EXT1: variants seen among roughly 807,000 people sequenced by gnomAD.
EXT1 encodes the protein exostosin glycosyltransferase 1, also known as exostosin-1.
EXT1 carries 20 observed loss-of-function variants against 82.5 expected under a neutral mutation model. The ratio of observed to expected loss-of-function variants is 0.24; its 90% CI spans 0.17 to 0.35. EXT1 has a LOEUF of 0.35. Ranked by LOEUF, EXT1 falls within the 10% of genes least tolerant of loss-of-function variation. EXT1 has a pLI of 1.00. For missense variants in EXT1, 757 were observed against 936.5 expected, an observed-to-expected ratio of 0.81 and a Z score of 2.50; for synonymous variants, 348 against 350.8, an observed-to-expected ratio of 0.99 and a Z score of 0.09.
chr8:117,857,993 C>A (rs1423350591), intron 1 of EXT1, among the ~76,000 whole-genome samples: 1 of 152,170 alleles, frequency 6.6e-6, no homozygotes, highest in Non-Finnish European at 1.5e-5. Flanking sequence ...TATGGTAGAA[C>A]TAGCAAGAGA....
At chr8:117,973,114 A>G (rs1814974700) in intron 1 of EXT1, among the ~76,000 whole-genome samples, 1 of 152,232 alleles carries the variant, frequency 6.6e-6, no homozygotes, top group South Asian at 2.1e-4. Flanking sequence ...AAAATATTTG[A>G]TTCTGTGAGA....
At chr8:117,923,219 G>A (rs1194695319) in intron 1 of EXT1, among the ~76,000 whole-genome samples, 1 of 152,084 alleles carries the variant, frequency 6.6e-6, no homozygotes, top group East Asian at 1.9e-4. Flanking sequence ...CCAGGTAGCT[G>A]GCTGAGGCAG....
intron 1 of EXT1, among the ~76,000 whole-genome samples, chr8:117,884,593 T>A (rs1235587204): frequency 6.6e-6 from 1 of 152,212 alleles, no homozygotes; most frequent in African/African-American, 2.4e-5. Context: ...ATCATTAGTG[T>A]GCAACAGTCT....
chr8:118,064,794 AAC>A (rs1315441673), intron 1 of EXT1, among the ~76,000 whole-genome samples: 1 of 151,904 alleles, frequency 6.6e-6, no homozygotes, highest in East Asian at 1.9e-4. Context: ...CACTCCCACC[AAC>A]AGTGTAAAAG....
At chr8:117,816,526 C>A (rs1475075576) in intron 7 of EXT1, among the ~76,000 whole-genome samples, 1 of 152,138 alleles carries the variant, frequency 6.6e-6, no homozygotes, top group Non-Finnish European at 1.5e-5. Context: ...AGGAAGAACC[C>A]AGCCCACTGG....
chr8:117,896,286 T>C (rs1813334270), intron 1 of EXT1, among the ~76,000 whole-genome samples: 1 of 152,272 alleles, frequency 6.6e-6, no homozygotes. Context: ...CAAATCATCA[T>C]CTTTTGTATT....
At chr8:117,999,024 T>C (rs1444597599) in intron 1 of EXT1, among the ~76,000 whole-genome samples, 1 of 152,214 alleles carries the variant, frequency 6.6e-6, no homozygotes, top group Non-Finnish European at 1.5e-5. Context: ...TAATTTACTT[T>C]CCTTCTTCCT....
At chr8:118,103,271 C>T (rs879741565) in intron 1 of EXT1, among the ~76,000 whole-genome samples, 14 of 152,172 alleles carry the variant, frequency 9.2e-5, no homozygotes, top group Non-Finnish European at 1.9e-4. Flanking sequence ...CTCAGTCTCC[C>T]AAGTAGCTGG....
chr8:117,856,746 G>C lies in EXT1; in HGVS notation c.963-19545C>G, dbSNP rs964609457. On this transcript the variant is annotated intron_variant, in intron 1 of 10. Transcript: ENST00000378204. ...GCAGCAAGTTATCCATAAGATCATT[G>C]ATGAGGTGGCTTTACAAAACAACAG... 3.3e-5 allele frequency among the ~76,000 whole-genome samples: 5 copies of C among 152,268 alleles called. No individual in the cohort carries two copies. The South Asian group carries it at 1.0e-3, about 32-fold the overall frequency.
intron 1 of EXT1, among the ~76,000 whole-genome samples, chr8:118,060,924 T>C (rs1816871552): frequency 6.6e-6 from 1 of 152,256 alleles, no homozygotes; most frequent in South Asian, 2.1e-4. Context: ...ACTTTCCCTT[T>C]CTTTACATCA....
intron 1 of EXT1, among the ~76,000 whole-genome samples, chr8:118,087,109 AG>A (rs1817435488): frequency 6.6e-6 from 1 of 152,230 alleles, no homozygotes; most frequent in South Asian, 2.1e-4. Context: ...AGCGCTGGAT[AG>A]AAACAATGAA....
chr8:118,023,246 A>G (rs1227864095), intron 1 of EXT1, among the ~76,000 whole-genome samples: 1 of 152,226 alleles, frequency 6.6e-6, no homozygotes, highest in East Asian at 1.9e-4. Flanking sequence ...AAGACAGATT[A>G]AGCTATTTTC....
chr8:117,902,389 C>T (rs562638170), intron 1 of EXT1, among the ~76,000 whole-genome samples: 1 of 152,278 alleles, frequency 6.6e-6, no homozygotes, highest in Admixed American at 6.5e-5. Flanking sequence ...ATTGTATGTG[C>T]TATACTTTCA....
intron 1 of EXT1, among the ~76,000 whole-genome samples, chr8:118,058,557 C>A (rs922088925): frequency 2.0e-5 from 3 of 152,112 alleles, no homozygotes; most frequent in African/African-American, 7.2e-5. Context: ...GTTTGGAGTT[C>A]ATTTTGTTAG....
rs190954981 is a variant in EXT1, at chr8:117,908,521, T to G, written c.963-71320A>C. ...GGTGTATGCCTGTAGTCCCAGCTAC[T>G]CAGGAGGCTGAGGCAGGAGAATCAC... On this transcript the variant is annotated intron_variant, in intron 1 of 10. Coordinates refer to ENST00000378204, the MANE Select transcript of EXT1 (RefSeq NM_000127.3). 6.6e-3 allele frequency among the ~76,000 whole-genome samples: 1,000 copies of G among 152,024 alleles called. 5 individuals carry two copies. The highest frequency in any genetic ancestry group is 0.011 in the Non-Finnish European group (728 of 67,976).
chr8:117,988,081 C>T (rs147202154), intron 1 of EXT1, among the ~76,000 whole-genome samples: 1 of 152,166 alleles, frequency 6.6e-6, no homozygotes, highest in Non-Finnish European at 1.5e-5. Flanking sequence ...GAGTGAGATC[C>T]TGTCACAAAT....
At position 117,920,301 on chromosome 8, in the gene EXT1, A is replaced by G. The variant is rs574527480; in HGVS notation, c.963-83100T>C. Among the ~76,000 whole-genome samples the G allele has an allele frequency of 6.6e-5, 10 of 150,558 alleles. No individual in the cohort carries two copies. The South Asian group carries it at 1.9e-3, about 28-fold the overall frequency. On this transcript the variant is annotated intron_variant, in intron 1 of 10. Coordinates refer to ENST00000378204, the MANE Select transcript of EXT1 (RefSeq NM_000127.3). ...GTATTTTTAGTAGAGACGGGGTTTC[A>G]CCATATTGGCCAGGCTGGTCTCGAA...
At chr8:117,922,609 G>A (rs1250826957) in intron 1 of EXT1, among the ~76,000 whole-genome samples, 1 of 152,088 alleles carries the variant, frequency 6.6e-6, no homozygotes, top group Non-Finnish European at 1.5e-5. Context: ...TCTCATTATA[G>A]AAGGAGAACA....
chr8:117,912,412 G>A lies in EXT1; in HGVS notation c.963-75211C>T, dbSNP rs548345732. Among the ~76,000 whole-genome samples, 3 of 152,156 alleles carry A rather than the reference G, an allele frequency of 2.0e-5. No individual in the cohort carries two copies. The East Asian group carries it at 5.8e-4, about 29-fold the overall frequency. ...ATTCCTTTATTTATTTATTACAATG[G>A]GTAGGTACCAATTTAGTATTTAAAA... On this transcript the variant is annotated intron_variant, in intron 1 of 10. Transcript: ENST00000378204.
Sources: gnomAD v4.1 joint callset for allele counts (sites outside exome capture counted in the v4.1 genomes callset) on GRCh38, gnomAD v4.1.1 for gene constraint, MANE v1.5 for transcripts, NCBI Gene and HGNC (gene_info 2026-07-23, HGNC 2026-07-21) for gene names.